Variants in ATP2B2 observed in about 807,000 individuals in gnomAD.
ATP2B2 encodes the protein ATPase plasma membrane Ca2+ transporting 2.
Under a neutral mutation model 120.0 loss-of-function variants are expected in ATP2B2, and 15 were observed. The ratio of observed to expected loss-of-function variants is 0.12; its 90% CI spans 0.08 to 0.19. The LOEUF is 0.19. Ranked by LOEUF, ATP2B2 falls within the 10% of genes least tolerant of loss-of-function variation. The pLI is 1.00. For missense variants in ATP2B2, 1,045 were observed against 1,719.8 expected (o/e 0.61, Z 6.94); for synonymous variants, 694 against 700.3 (o/e 0.99, Z 0.14).
intron 2 of ATP2B2, among the ~76,000 whole-genome samples, chr3:10,614,129 T>C (rs556369311): frequency 6.6e-6 from 1 of 152,264 alleles, no homozygotes; most frequent in African/African-American, 2.4e-5. Flanking sequence ...CTTTACGGCA[T>C]ATTACATATG....
rs557349623 is a variant in ATP2B2, at chr3:10,616,689, C to CAG, written c.-415+3227_-415+3228insCT. Among the ~76,000 whole-genome samples, 269 of 152,058 alleles carry CAG rather than the reference C, an allele frequency of 1.8e-3. 1 individual carries two copies. The highest frequency in any genetic ancestry group is 1.6e-3 in the Non-Finnish European group (111 of 67,976). ...ACAGCTGACTAGCAAAATGCACACA[C>CAG]ACACACACACTCATTGGTGGGGGCA... On this transcript the variant is annotated intron_variant, in intron 2 of 21. Transcript: ENST00000646379.
intron 3 of ATP2B2, among the ~76,000 whole-genome samples, chr3:10,408,050 T>C (rs1243984356): frequency 9.2e-5 from 14 of 152,154 alleles, no homozygotes; most frequent in Admixed American, 9.2e-4. Context: ...GTGCATTTCA[T>C]GATTTCAAAC....
chr3:10,329,012 G>A lies in ATP2B2; in HGVS notation c.3534C>T (p.Ser1178=), dbSNP rs1250297818. The A allele has an allele frequency of 1.9e-6, 3 of 1,613,980 alleles. No individual in the cohort carries two copies. Among genetic ancestry groups the A allele is most frequent in the Non-Finnish European group, 8.5e-7 (1 of 1,180,014 alleles). ...MAHPEFRIED[S]QPHIPLIDDT... ...CATCAATGAGGGGGATGTGGGGCTG[G>A]GAATCTTCGATCCGGAATTCAGGAT... The change falls in exon 23 of 23, where the codon TCC becomes TCT. Residue 1178 remains serine, a synonymous_variant. Transcript: ENST00000360273. This position sits in a 1 kb window ranked among gnomAD's most constrained non-coding sequence, Gnocchi z 5.9.
chr3:10,506,279 C>G (rs1473832690), upstream of ATP2B2, among the ~76,000 whole-genome samples: 1 of 151,976 alleles, frequency 6.6e-6, no homozygotes, highest in East Asian at 1.9e-4. Flanking sequence ...CCCACCTGCC[C>G]TCGGGGGGGT....
chr3:10,524,145 G>A (rs1028369035), intron 3 of ATP2B2, among the ~76,000 whole-genome samples: 1 of 152,074 alleles, frequency 6.6e-6, no homozygotes, highest in Non-Finnish European at 1.5e-5. Context: ...TTCATTAAGG[G>A]CACTTTCTGC....
intron 3 of ATP2B2, among the ~76,000 whole-genome samples, chr3:10,408,779 C>T (rs138657321): frequency 8.0e-4 from 122 of 152,232 alleles, no homozygotes; most frequent in African/African-American, 2.6e-3. Flanking sequence ...TCCATGTTAC[C>T]CCTCCACCCC....
chr3:10,442,399 T>G (rs1443518191), intron 2 of ATP2B2, among the ~76,000 whole-genome samples: 1 of 152,166 alleles, frequency 6.6e-6, no homozygotes, highest in African/African-American at 2.4e-5. Context: ...TGTCCCGTGC[T>G]CTCCCTGCCA....
At chr3:10,656,776 T>A (rs1559507331) in intron 1 of ATP2B2, among the ~76,000 whole-genome samples, 1 of 152,242 alleles carries the variant, frequency 6.6e-6, no homozygotes, top group Non-Finnish European at 1.5e-5. Context: ...TGCTGAGGTG[T>A]GACTTCTCTA....
chr3:10,533,195 A>G lies in ATP2B2; in HGVS notation c.-320+844T>C, dbSNP rs116064164. Among the ~76,000 whole-genome samples the G allele has an allele frequency of 5.7e-3, 868 of 152,314 alleles. 13 individuals are homozygous for G. Among genetic ancestry groups the G allele is most frequent in the African/African-American group, 0.019 (792 of 41,566 alleles). ...GGGCTTCAGGAGCACAGAGGAAGACATGGTTGATTTCAGCAAGGAGCCACA... is the reference window on the plus strand; with the variant it reads ...GGGCTTCAGGAGCACAGAGGAAGACGTGGTTGATTTCAGCAAGGAGCCACA... On this transcript the variant is annotated intron_variant, in intron 3 of 21. Coordinates refer to the ATP2B2 transcript ENST00000646379.
chr3:10,547,157 G>C (rs1209934660), intron 2 of ATP2B2, among the ~76,000 whole-genome samples: 2 of 152,098 alleles, frequency 1.3e-5, no homozygotes, highest in Non-Finnish European at 2.9e-5. Context: ...TCAAGGGCGG[G>C]GGCAAAGAGG....
At chr3:10,368,524 AC>A (rs1456161243) in intron 12 of ATP2B2, among the ~76,000 whole-genome samples, 3 of 151,266 alleles carry the variant, frequency 2.0e-5, no homozygotes, top group African/African-American at 7.3e-5. Flanking sequence ...CAACACATCT[AC>A]CCATCCCATC....
chr3:10,638,096 A>G (rs1238361915), intron 1 of ATP2B2, among the ~76,000 whole-genome samples: 1 of 152,228 alleles, frequency 6.6e-6, no homozygotes, highest in Non-Finnish European at 1.5e-5. Flanking sequence ...TAAAAAGCTG[A>G]AAGAATTCAT....
intron 2 of ATP2B2, among the ~76,000 whole-genome samples, chr3:10,586,298 G>A (rs1192565184): frequency 2.0e-5 from 3 of 152,312 alleles, no homozygotes; most frequent in East Asian, 3.9e-4. Context: ...CAGAGGAGAG[G>A]AGAAAGGAAG....
chr3:10,499,240 A>ATCC (rs566236054), intron 1 of ATP2B2, among the ~76,000 whole-genome samples: 13 of 152,188 alleles, frequency 8.5e-5, no homozygotes, highest in Non-Finnish European at 1.6e-4. Flanking sequence ...TACTACCACT[A>ATCC]TCCCATCTTA....
chr3:10,455,949 T>C (rs1320570013), intron 1 of ATP2B2, among the ~76,000 whole-genome samples: 1 of 152,270 alleles, frequency 6.6e-6, no homozygotes, highest in East Asian at 1.9e-4. Flanking sequence ...GAGAACATTC[T>C]GACAATATTG....
At chr3:10,621,969 G>C (rs879527545) in intron 1 of ATP2B2, among the ~76,000 whole-genome samples, 1 of 152,192 alleles carries the variant, frequency 6.6e-6, no homozygotes, top group African/African-American at 2.4e-5. Flanking sequence ...CTAGCTGCAC[G>C]GTCATTGAGA....
In ATP2B2 at chr3:10,706,786, A is replaced by C. The variant is rs532269964; in HGVS notation, c.-460+1129T>G. Among the ~76,000 whole-genome samples the C allele has an allele frequency of 6.6e-4, 101 of 152,308 alleles. 1 individual carries two copies. The highest frequency in any genetic ancestry group is 2.4e-3 in the African/African-American group (99 of 41,570). On this transcript the variant is annotated intron_variant, in intron 1 of 21. Transcript: ENST00000646379. Reference sequence around the variant, plus strand: ...TGGGGAAACTGAGTCAGAGAGGGGAAGCGACTTGCCAGAGGTCACACAGCT... The same window carrying C: ...TGGGGAAACTGAGTCAGAGAGGGGACGCGACTTGCCAGAGGTCACACAGCT...
chr3:10,542,361 T>C (rs2067458098), intron 2 of ATP2B2, among the ~76,000 whole-genome samples: 1 of 152,218 alleles, frequency 6.6e-6, no homozygotes, highest in Non-Finnish European at 1.5e-5. Flanking sequence ...TTTGCTTCAG[T>C]TGTCAAACAT....
At chr3:10,475,319 G>T (rs1396861553) in intron 1 of ATP2B2, among the ~76,000 whole-genome samples, 1 of 152,222 alleles carries the variant, frequency 6.6e-6, no homozygotes, top group Non-Finnish European at 1.5e-5. Flanking sequence ...TCCTGCAGGG[G>T]TCATGTCAGA....
Sources: gnomAD v4.1 joint callset for allele counts (sites outside exome capture counted in the v4.1 genomes callset) on GRCh38, gnomAD v4.1.1 for gene constraint, Gnocchi (gnomAD v3.1) non-coding constraint, MANE v1.5 for transcripts, NCBI Gene and HGNC (gene_info 2026-07-23, HGNC 2026-07-21) for gene names.